The following PLCB3 variants were observed in gnomAD, a reference collection of about 807,000 sequenced individuals.
PLCB3 encodes phospholipase C beta 3.
A neutral mutation model predicts 152.1 loss-of-function variants in PLCB3; 54 were observed. The observed-to-expected ratio is 0.36, with a 90% CI of 0.29 to 0.45. The LOEUF (loss-of-function observed/expected upper bound fraction) is 0.45. Ranked by LOEUF, PLCB3 falls within the 20% of genes least tolerant of loss-of-function variation. The pLI, the probability that PLCB3 is intolerant of heterozygous loss-of-function variation, is 1.00. For missense variants in PLCB3, 1,248 were observed against 1,687.5 expected (o/e 0.74, Z 4.56); for synonymous variants, 717 against 698.7 (o/e 1.03, Z -0.41).
Position 64,267,417 on chromosome 11 carries a change from G to A in PLCB3, c.3566G>A (p.Arg1189Gln), listed in dbSNP as rs751448730. The stretch of plus-strand genomic sequence containing the variant: ...GCGAGGCTCCCCCAGGAGATCCGCC[G>A]GAGCCTGCTGGGCGAGATGCCGGAG... ...QRARLPQEIR[R>Q]SLLGEMPEGL... The change falls in exon 31 of 31, where the codon CGG (arginine) becomes CAG (glutamine). Residue 1189 changes from arginine (R) to glutamine (Q), a missense_variant. Physicochemically the swap from Arg to Gln is conservative, Grantham distance 43 (BLOSUM62 1). Coordinates refer to ENST00000279230, the MANE Select transcript of PLCB3 (RefSeq NM_000932.5). The surrounding 1 kb of genome is among the most constrained non-coding windows in gnomAD (Gnocchi z 5.2). 4.5e-6 allele frequency: 7 copies of A among 1,542,156 alleles called. No homozygotes were observed. Among genetic ancestry groups the A allele is most frequent in the Admixed American group, 3.9e-5 (2 of 50,996 alleles).
At position 64,258,153 on chromosome 11, in the gene PLCB3, CAAAA is replaced by C. The variant is rs34969821; in HGVS notation, c.1013-307_1013-304del. ...TGGGTGACAGAGCGAGGTTCCGTCT[CAAAA>C]AAAAAAAAAAAAGAGATTGGATTGG... On this transcript the variant is annotated intron_variant, in intron 10 of 30. Transcript: ENST00000279230. This position sits in a 1 kb window ranked among gnomAD's most constrained non-coding sequence, Gnocchi z 7.2. 3.0e-5 allele frequency among the ~76,000 whole-genome samples: 3 copies of C among 99,058 alleles called. No homozygotes were observed. Among genetic ancestry groups the C allele is most frequent in the Non-Finnish European group, 2.1e-5 (1 of 48,568 alleles). 65.0% of individuals were successfully genotyped at this position (99,058 alleles called of 152,430 possible).
chr11:64,255,848 C>G lies in PLCB3; in HGVS notation c.698+27C>G, dbSNP rs1283147529. 1 of 1,480,586 alleles carries G rather than the reference C, an allele frequency of 6.8e-7. No individual in the cohort carries two copies. Among genetic ancestry groups the G allele is most frequent in the African/African-American group, 1.4e-5 (1 of 72,510 alleles). The allele number at this position is 1,480,586 out of a possible 1,614,324, so 91.7% of individuals were successfully genotyped here. On this transcript the variant is annotated intron_variant, in intron 8 of 30. Transcript: ENST00000279230. The surrounding 1 kb of genome is among the most constrained non-coding windows in gnomAD (Gnocchi z 6.8). ...TGAGTGGGCCCGGCCTGCCTCACAA[C>G]CCCTGTGCTCTGTGTTTAGCTTCTG...
downstream of PLCB3, chr11:64,269,135 A>G (rs2032298667): frequency 6.6e-6 from 1 of 152,418 alleles, no homozygotes; most frequent in African/African-American, 2.4e-5. Flanking sequence ...TGGGTGTGAC[A>G]TTCCAGCCCC....
In PLCB3 at chr11:64,255,104, C is replaced by T; in HGVS notation, c.387+66C>T. 6.4e-7 allele frequency: 1 copy of T among 1,554,118 alleles called. No homozygotes were observed. The highest frequency in any genetic ancestry group is 8.8e-7 in the Non-Finnish European group (1 of 1,130,470). On this transcript the variant is annotated intron_variant, in intron 4 of 30. Transcript: ENST00000279230. This position sits in a 1 kb window ranked among gnomAD's most constrained non-coding sequence, Gnocchi z 6.8. ...TATTCTGTGAGTCGGCCGTCACTTA[C>T]CGAACACCTGCTGTGTTCTAGGCTG...
At position 64,266,701 on chromosome 11, in the gene PLCB3, T is replaced by G; in HGVS notation, c.3414+149T>G. On this transcript the variant is annotated intron_variant, in intron 29 of 30. Transcript: ENST00000279230. The surrounding 1 kb of genome is among the most constrained non-coding windows in gnomAD (Gnocchi z 4.9). ...CAACAGCCCCAGGGTACCCACATCA[T>G]ACCCAAAGCCAACTGTCTGTACCAG... The G allele has an allele frequency of 1.4e-6, 1 of 734,832 alleles. No homozygotes were observed. Among genetic ancestry groups the G allele is most frequent in the Non-Finnish European group, 2.3e-6 (1 of 425,748 alleles). 45.5% of individuals were successfully genotyped at this position (734,832 alleles called of 1,614,324 possible).
rs1591105337 is a variant in PLCB3 at position 64,258,210 on chromosome 11, C to T, written c.1013-263C>T. Among the ~76,000 whole-genome samples the T allele has an allele frequency of 6.6e-6, 1 of 150,810 alleles. No individual in the cohort carries two copies. The highest frequency in any genetic ancestry group is 1.9e-4 in the East Asian group (1 of 5,158). On this transcript the variant is annotated intron_variant, in intron 10 of 30. Coordinates refer to ENST00000279230, the MANE Select transcript of PLCB3 (RefSeq NM_000932.5). The surrounding 1 kb of genome is among the most constrained non-coding windows in gnomAD (Gnocchi z 7.2). ...GCAGGGAGGGCTGGAGTCTTCCACA[C>T]AGGAGGTGGTGTGAGCTGTGCCAGG...
chr11:64,259,919 C>T (rs1210101405), intron 13 of PLCB3, 110 bp from the exon 14 acceptor site: 2 of 854,448 alleles, frequency 2.3e-6, no homozygotes, highest in Non-Finnish European at 1.8e-6. Context: ...TGAGAGTACC[C>T]CTTGAATTCC....
chr11:64,266,352 C>T lies in PLCB3; in HGVS notation c.3304C>T (p.Arg1102Cys). 1 of 1,613,128 alleles carries T rather than the reference C, an allele frequency of 6.2e-7. No homozygotes were observed. Among genetic ancestry groups the T allele is most frequent in the Non-Finnish European group, 8.5e-7 (1 of 1,179,696 alleles). The part of the protein sequence containing the change: ...KELQKILDRK[R>C]HNSISEAKMR... ...GCTGCAGAAGATCCTGGACAGAAAG[C>T]GCCATAACAGCATCTCGGAGGCCAA... Residue 1102 changes from arginine (R) to cysteine (C), a missense_variant, in exon 28 of 31, where the codon CGC becomes TGC. Arg to Cys is a radical substitution (Grantham distance 180). Transcript: ENST00000279230. This position sits in a 1 kb window ranked among gnomAD's most constrained non-coding sequence, Gnocchi z 4.9.
rs764803222 is a variant in PLCB3, at chr11:64,265,436, G to A, written c.2969G>A (p.Arg990His). 3 of 1,610,712 alleles carry A rather than the reference G, an allele frequency of 1.9e-6. No individual in the cohort carries two copies. The highest frequency in any genetic ancestry group is 1.1e-5 in the South Asian group (1 of 91,056). ...CAGCGGAAGGCAGTCACCCTCACCC[G>A]CCGCCTGCTGGATGGCCTGGCTCAG... The part of the protein sequence containing the change: ...KHQRKAVTLT[R>H]RLLDGLAQAQ... The change falls in exon 25 of 31, where the codon CGC becomes CAC. Residue 990 changes from arginine to histidine, a missense_variant. Physicochemically the swap from Arg to His is conservative, Grantham distance 29. Coordinates refer to ENST00000279230, the MANE Select transcript of PLCB3 (RefSeq NM_000932.5).
At chr11:64,262,152 G>C (rs1271831564) in intron 17 of PLCB3, 76 bp downstream of exon 17, 2 of 1,583,682 alleles carry the variant, frequency 1.3e-6, no homozygotes, top group East Asian at 4.5e-5. Context: ...TGCTGGTCTT[G>C]CCTGAATGGA....
At chr11:64,261,336 G>A in intron 14 of PLCB3, 64 bp from the exon 15 acceptor site, 2 of 1,144,368 alleles carry the variant, frequency 1.7e-6, no homozygotes, top group Non-Finnish European at 1.3e-6. Flanking sequence ...TTCATGGGGG[G>A]CAGGTGAGGG....
At position 64,264,052 on chromosome 11, in the gene PLCB3, G is replaced by A; in HGVS notation, c.2592G>A (p.Lys864=). 1 of 1,571,742 alleles carries A rather than the reference G, an allele frequency of 6.4e-7. No individual in the cohort carries two copies. The highest frequency in any genetic ancestry group is 8.6e-7 in the Non-Finnish European group (1 of 1,160,016). The change falls in exon 22 of 31, where the codon AAG becomes AAA. Residue 864 remains lysine, a synonymous_variant. Transcript: ENST00000279230. ...DYAEALINPI[K]HVSLMDQRAR... ...CGGAGGCCCTGATCAACCCCATTAAGCACGTCAGCCTGATGGACCAGAGGG... is the reference window on the plus strand; with the variant it reads ...CGGAGGCCCTGATCAACCCCATTAAACACGTCAGCCTGATGGACCAGAGGG...
rs1407636749 is a variant in PLCB3 at position 64,266,684 on chromosome 11, C to T, written c.3414+132C>T. On this transcript the variant is annotated intron_variant, in intron 29 of 30. Coordinates refer to ENST00000279230, the MANE Select transcript of PLCB3 (RefSeq NM_000932.5). This position sits in a 1 kb window ranked among gnomAD's most constrained non-coding sequence, Gnocchi z 4.9. ...GGCCTTTCTCAAGTGCCCAACAGCCCCAGGGTACCCACATCATACCCAAAG... is the reference window on the plus strand; with the variant it reads ...GGCCTTTCTCAAGTGCCCAACAGCCTCAGGGTACCCACATCATACCCAAAG... 1.2e-5 allele frequency: 10 copies of T among 823,534 alleles called. No individual in the cohort carries two copies. Among genetic ancestry groups the T allele is most frequent in the Non-Finnish European group, 1.4e-5 (7 of 496,604 alleles). The allele number at this position is 823,534 out of a possible 1,614,324, so 51.0% of individuals were successfully genotyped here. A position where few individuals can be genotyped will look rare whatever the true frequency, so the allele number is the denominator to read the frequency against.
rs1591102057 is a variant in PLCB3, at chr11:64,255,880, G to A, written c.698+59G>A. On this transcript the variant is annotated intron_variant, in intron 8 of 30. Transcript: ENST00000279230. This position sits in a 1 kb window ranked among gnomAD's most constrained non-coding sequence, Gnocchi z 6.8. ...GCTCTGTGTTTAGCTTCTGCTTAGC[G>A]TGCCTCTAGCTCAATGGGGAGAGGG... 9.3e-6 allele frequency: 12 copies of A among 1,296,132 alleles called. No individual in the cohort carries two copies. The highest frequency in any genetic ancestry group is 2.4e-5 in the South Asian group (2 of 84,776). 80.3% of individuals were successfully genotyped at this position (1,296,132 alleles called of 1,614,324 possible). A position where few individuals can be genotyped will look rare whatever the true frequency, so the allele number is the denominator to read the frequency against.
chr11:64,261,933 C>G lies in PLCB3; in HGVS notation c.1914-19C>G. ...GGGTGGGCCCTGGCACCTGTGTGGC[C>G]CCTGACCACCAATCTCAGATACAAC... On this transcript the variant is annotated intron_variant, in intron 16 of 30. Coordinates refer to ENST00000279230, the MANE Select transcript of PLCB3 (RefSeq NM_000932.5). 6.2e-7 allele frequency: 1 copy of G among 1,613,826 alleles called. No homozygotes were observed. The highest frequency in any genetic ancestry group is 8.5e-7 in the Non-Finnish European group (1 of 1,179,808).
chr11:64,266,044 G>A lies in PLCB3; in HGVS notation c.3189+5G>A. 5.6e-6 allele frequency: 9 copies of A among 1,614,024 alleles called. No individual in the cohort carries two copies. Among genetic ancestry groups the A allele is most frequent in the South Asian group, 1.1e-5 (1 of 91,084 alleles). ...AGGCTGGAACACCTGAGACAGGTAG[G>A]GGGCCTGCAGTGGCCAGGGAAAGCC... On this transcript the variant is annotated splice_donor_5th_base_variant and intron_variant, in intron 26 of 30. Transcript: ENST00000279230. This position sits in a 1 kb window ranked among gnomAD's most constrained non-coding sequence, Gnocchi z 4.9.
At chr11:64,262,205 C>T (rs2031887298) in intron 17 of PLCB3, 129 bp downstream of exon 17, 5 of 1,367,520 alleles carry the variant, frequency 3.7e-6, no homozygotes, top group Non-Finnish European at 4.1e-6. Context: ...GAACCCAGCT[C>T]CCGACTCACC....
In PLCB3 at chr11:64,264,166, A is replaced by G. The variant is rs554715238; in HGVS notation, c.2652+54A>G. On this transcript the variant is annotated intron_variant, in intron 22 of 30. Transcript: ENST00000279230. The stretch of plus-strand genomic sequence containing the variant: ...TCACTGTGACCCAGGGGGCCGCTGG[A>G]CATGACTGCTGTGGCCACATGAGGA... 2.5e-6 allele frequency: 3 copies of G among 1,210,256 alleles called. No individual in the cohort carries two copies. The South Asian group carries it at 4.6e-5, about 18-fold the overall frequency. 75.0% of individuals were successfully genotyped at this position (1,210,256 alleles called of 1,614,324 possible).
At chr11:64,261,820 T>C in intron 16 of PLCB3, 132 bp from the exon 17 acceptor site, 1 of 1,467,762 alleles carries the variant, frequency 6.8e-7, no homozygotes, top group Non-Finnish European at 9.4e-7. Flanking sequence ...ATCCAGGCAG[T>C]CTCAGGGGGC....
Sources: allele counts gnomAD v4.1 joint callset (sites outside exome capture counted in the v4.1 genomes callset), GRCh38; gene constraint gnomAD v4.1.1; non-coding constraint Gnocchi (gnomAD v3.1); transcripts MANE v1.5; gene names NCBI Gene and HGNC (gene_info 2026-07-23, HGNC 2026-07-21).